Variants in STPG2 observed in about 807,000 individuals in gnomAD.
The protein encoded by STPG2 is sperm-tail PG-rich repeat-containing protein 2.
A neutral mutation model predicts 54.2 loss-of-function variants in STPG2; 56 were observed. The ratio of observed to expected loss-of-function variants is 1.03; its 90% CI spans 0.83 to 1.29. The LOEUF (loss-of-function observed/expected upper bound fraction) is 1.29. Among genes scored for constraint, STPG2 ranks in the 50% most tolerant of loss-of-function variants. STPG2 has a pLI of 0.00. For synonymous variants in STPG2, 200 were observed against 181.8 expected (o/e 1.10, Z -0.81); for missense variants, 596 against 544.9 (o/e 1.09, Z -0.93).
At chr4:97,551,667 A>G (rs1731968771) in intron 4 of STPG2, among the ~76,000 whole-genome samples, 1 of 152,258 alleles carries the variant, frequency 6.6e-6, no homozygotes, top group Non-Finnish European at 1.5e-5. Context: ...CCGCTTTCTA[A>G]TTGATAACTA....
chr4:97,589,111 T>G (rs1283230322), intron 10 of STPG2, among the ~76,000 whole-genome samples: 1 of 152,066 alleles, frequency 6.6e-6, no homozygotes, highest in African/African-American at 2.4e-5. Context: ...TAGATATCTA[T>G]GTGTTAATAT....
At chr4:97,694,579 C>T (rs751754245) in intron 10 of STPG2, among the ~76,000 whole-genome samples, 14 of 151,520 alleles carry the variant, frequency 9.2e-5, no homozygotes, top group South Asian at 2.1e-4. Context: ...GAGGCCGAGG[C>T]GGGTGGATCA....
At chr4:97,889,679 G>C (rs1477123049) in intron 8 of STPG2, among the ~76,000 whole-genome samples, 2 of 152,160 alleles carry the variant, frequency 1.3e-5, no homozygotes, top group African/African-American at 4.8e-5. Flanking sequence ...AAAAAGTTTG[G>C]GGGAAAGAGA....
At chr4:97,525,640 C>T (rs1485807112) in intron 4 of STPG2, among the ~76,000 whole-genome samples, 2 of 151,864 alleles carry the variant, frequency 1.3e-5, no homozygotes, top group Admixed American at 6.6e-5. Flanking sequence ...AACTATTGTA[C>T]ATGTGAATAA....
intron 5 of STPG2, among the ~76,000 whole-genome samples, chr4:98,051,732 C>T (rs1325987975): frequency 6.6e-6 from 1 of 151,798 alleles, no homozygotes; most frequent in Non-Finnish European, 1.5e-5. Context: ...GGAGGTTCTG[C>T]ATATTGTCAA....
intron 10 of STPG2, among the ~76,000 whole-genome samples, chr4:97,644,182 C>T (rs1453214745): frequency 6.6e-6 from 1 of 151,626 alleles, no homozygotes; most frequent in African/African-American, 2.4e-5. Context: ...TTAAAATGGG[C>T]ATGCTTATAT....
At chr4:97,454,284 C>A (rs182810131) in intron 4 of STPG2, among the ~76,000 whole-genome samples, 232 of 151,282 alleles carry the variant, frequency 1.5e-3, no homozygotes, top group Non-Finnish European at 2.5e-3. Context: ...GAGGCCGAGG[C>A]GGGTGGATCA....
At chr4:97,743,825 A>T (rs1467253408) in intron 9 of STPG2, among the ~76,000 whole-genome samples, 1 of 151,544 alleles carries the variant, frequency 6.6e-6, no homozygotes, top group Non-Finnish European at 1.5e-5. Context: ...AATCTTCCCA[A>T]AAGAGGACAT....
chr4:98,052,051 C>T lies in STPG2; in HGVS notation c.612+53902G>A, dbSNP rs1423958689. ...GAAGTGAGCTGAGATTGCATCATTG[C>T]ACTCCAGCCTGGGCCACGAGAGCAA... On this transcript the variant is annotated intron_variant, in intron 5 of 10. Coordinates refer to ENST00000295268, the MANE Select transcript of STPG2 (RefSeq NM_174952.3). Among the ~76,000 whole-genome samples, 3 of 133,034 alleles carry T rather than the reference C, an allele frequency of 2.3e-5. 1 individual carries two copies. The highest frequency in any genetic ancestry group is 5.0e-4 in the South Asian group (2 of 3,966). 87.3% of individuals were successfully genotyped at this position (133,034 alleles called of 152,430 possible). A position where few individuals can be genotyped will look rare whatever the true frequency, so the allele number is the denominator to read the frequency against.
chr4:97,696,654 C>T (rs1175583875), intron 10 of STPG2, among the ~76,000 whole-genome samples: 3 of 152,144 alleles, frequency 2.0e-5, no homozygotes, highest in African/African-American at 7.2e-5. Flanking sequence ...TCAGAATCTA[C>T]AAGGAACTTA....
intron 10 of STPG2, among the ~76,000 whole-genome samples, chr4:97,635,603 G>A (rs1391511625): frequency 5.9e-5 from 9 of 152,108 alleles, no homozygotes; most frequent in East Asian, 5.8e-4. Context: ...CCCGTCTCAC[G>A]TGCAGAGACA....
At position 97,954,887 on chromosome 4, in the gene STPG2, A is replaced by G. The variant is rs577382048; in HGVS notation, c.934-10880T>C. 2.0e-5 allele frequency among the ~76,000 whole-genome samples: 3 copies of G among 152,336 alleles called. No homozygotes were observed. In the East Asian group the frequency reaches 5.8e-4, roughly 29 times the overall value. On this transcript the variant is annotated intron_variant, in intron 7 of 10. Transcript: ENST00000295268. Reference sequence around the variant, plus strand: ...AAAATCAAGAGAAAAAAAACATAAAATAACAGACTAATGGATGATCCAGAT... The same window carrying G: ...AAAATCAAGAGAAAAAAAACATAAAGTAACAGACTAATGGATGATCCAGAT...
At chr4:97,670,238 C>A (rs17026855) in intron 10 of STPG2, among the ~76,000 whole-genome samples, 17,823 of 151,722 alleles carry the variant, frequency 0.12, 3,075 homozygotes, top group African/African-American at 0.38. Flanking sequence ...AGTGATTTTC[C>A]CCATACCTTC....
At chr4:97,949,419 A>T (rs1733377783) in intron 7 of STPG2, among the ~76,000 whole-genome samples, 1 of 152,138 alleles carries the variant, frequency 6.6e-6, no homozygotes, top group Non-Finnish European at 1.5e-5. Context: ...ATTTACGTTC[A>T]ACATAATATC....
intron 10 of STPG2, among the ~76,000 whole-genome samples, chr4:97,579,181 A>T (rs1438664289): frequency 2.0e-5 from 3 of 152,162 alleles, no homozygotes; most frequent in African/African-American, 7.2e-5. Context: ...TATGGCTATT[A>T]AATGATATCT....
intron 8 of STPG2, among the ~76,000 whole-genome samples, chr4:97,936,152 A>G: frequency 6.6e-6 from 1 of 151,898 alleles, no homozygotes; most frequent in East Asian, 1.9e-4. Flanking sequence ...TTGTCTTTTT[A>G]CCTTTGTTGG....
intron 9 of STPG2, among the ~76,000 whole-genome samples, chr4:97,784,115 A>G (rs1726747308): frequency 2.0e-5 from 3 of 151,842 alleles, no homozygotes; most frequent in South Asian, 4.1e-4. Flanking sequence ...AGTATCTGGA[A>G]CCAAATAAAA....
intron 9 of STPG2, among the ~76,000 whole-genome samples, chr4:97,762,644 C>G (rs1311389217): frequency 2.6e-5 from 4 of 152,110 alleles, no homozygotes; most frequent in Middle Eastern, 3.2e-3. Context: ...AAAATCAAAG[C>G]TATTGCCTCT....
At chr4:97,473,916 C>T (rs1286981749) in intron 4 of STPG2, among the ~76,000 whole-genome samples, 2 of 152,158 alleles carry the variant, frequency 1.3e-5, no homozygotes, top group African/African-American at 4.8e-5. Context: ...CTGAGTTTCC[C>T]CTGATAATTG....
Sources: allele counts gnomAD v4.1 joint callset (sites outside exome capture counted in the v4.1 genomes callset), GRCh38; gene constraint gnomAD v4.1.1; transcripts MANE v1.5; gene names NCBI Gene and HGNC (gene_info 2026-07-23, HGNC 2026-07-21).